OR7D4: variants seen among roughly 807,000 people sequenced by gnomAD.
The protein encoded by OR7D4 is olfactory receptor family 7 subfamily D member 4, also known as olfactory receptor 7D4.
For missense variants in OR7D4, 319 were observed against 377.1 expected, an observed-to-expected ratio of 0.85 and a Z score of 1.27; for synonymous variants, 154 against 158.4, an observed-to-expected ratio of 0.97 and a Z score of 0.21.
At chr19:9,214,967 C>A (rs1218088279) in intron 1 of OR7D4, 117 bp from the exon 2 acceptor site, 5 of 609,776 alleles carry the variant, frequency 8.2e-6, no homozygotes, top group Non-Finnish European at 1.5e-5. Flanking sequence ...GGAGTCCTTA[C>A]AAAGACAATG....
In OR7D4 at chr19:9,214,128, G is replaced by A. The variant is rs770207840; in HGVS notation, c.710C>T (p.Ala237Val). 6.2e-7 allele frequency: 1 copy of A among 1,614,090 alleles called. No individual in the cohort carries two copies. The highest frequency in any genetic ancestry group is 2.2e-5 in the East Asian group (1 of 44,878). ...GAGGTGAGATCCACAGGTGGAAAAG[G>A]CTTTGTACTTGCCCTTGGTGGAGGA... ...GMSSTKGKYKAFSTCGSHLCV... is the reference protein window; with the variant it reads ...GMSSTKGKYKVFSTCGSHLCV... Residue 237 changes from alanine (A) to valine (V), a missense_variant, in exon 2 of 2, where the codon GCC (alanine) becomes GTC (valine). Coordinates refer to ENST00000641669, the MANE Select transcript of OR7D4 (RefSeq NM_001005191.3).
intron 1 of OR7D4, among the ~76,000 whole-genome samples, chr19:9,215,302 C>T (rs1161807920): frequency 1.5e-5 from 2 of 135,038 alleles, no homozygotes; most frequent in African/African-American, 5.3e-5. Flanking sequence ...AAGATCATGG[C>T]ACTGCACTCC....
Position 9,213,907 on chromosome 19 carries a change from A to G in OR7D4, c.931T>C (p.Cys311Arg), listed in dbSNP as rs1326049168. 1 of 1,613,240 alleles carries G rather than the reference A, an allele frequency of 6.2e-7. No homozygotes were observed. The highest frequency in any genetic ancestry group is 8.5e-7 in the Non-Finnish European group (1 of 1,179,310). The change falls in exon 2 of 2, where the codon TGT (cysteine) becomes CGT (arginine). Residue 311 changes from cysteine to arginine, a missense_variant. Cys to Arg is a radical substitution (Grantham distance 180). Coordinates refer to ENST00000641669, the MANE Select transcript of OR7D4 (RefSeq NM_001005191.3). ...LERLLSRADSCP is the reference protein window; with the variant it reads ...LERLLSRADSRP ...TCTGAGGCCCTGATTTGTCATGGAC[A>G]AGAGTCGGCCCTGCTGAGGAGTCTT...
chr19:9,217,639 A>G (rs981236160), intron 1 of OR7D4, among the ~76,000 whole-genome samples: 3 of 152,078 alleles, frequency 2.0e-5, no homozygotes, highest in African/African-American at 7.2e-5. Flanking sequence ...CCCAGGTTCA[A>G]GCGATTCTCC....
In OR7D4 at chr19:9,213,752, T is replaced by TAAC; in HGVS notation, c.*144_*146dup. 1.6e-6 allele frequency: 1 copy of TAAC among 636,122 alleles called. No homozygotes were observed. The highest frequency in any genetic ancestry group is 2.7e-6 in the Non-Finnish European group (1 of 368,256). 39.4% of individuals were successfully genotyped at this position (636,122 alleles called of 1,614,324 possible). A position where few individuals can be genotyped will look rare whatever the true frequency, so the allele number is the denominator to read the frequency against. ...GACTCTGTCTCAAAAACAATAACAA[T>TAAC]AACAACAACAAACAACCCAATAACA... On this transcript the variant is annotated 3_prime_UTR_variant, in exon 2 of 2. Transcript: ENST00000641669.
Position 9,210,575 on chromosome 19 carries a change from CA to C in OR7D4, c.*3323del, listed in dbSNP as rs1416433751. On this transcript the variant is annotated 3_prime_UTR_variant, in exon 2 of 2. Transcript: ENST00000641669. ...GCTTGGGCAACAGAGCAAGACATCT[CA>C]AAACAAAACAAAACAAAAACTCCAT... The C allele has an allele frequency of 1.3e-5, 2 of 152,140 alleles. No homozygotes were observed. The highest frequency in any genetic ancestry group is 4.8e-5 in the African/African-American group (2 of 41,412). 9.4% of individuals were successfully genotyped at this position (152,140 alleles called of 1,614,324 possible).
intron 1 of OR7D4, among the ~76,000 whole-genome samples, chr19:9,217,881 ATCT>A (rs1371369328): frequency 2.6e-5 from 4 of 152,234 alleles, no homozygotes; most frequent in East Asian, 3.9e-4. Flanking sequence ...GAAAGGGTAA[ATCT>A]TCTAGGCTGA....
chr19:9,217,607 C>T (rs1332109034), intron 1 of OR7D4, among the ~76,000 whole-genome samples: 3 of 152,126 alleles, frequency 2.0e-5, no homozygotes, highest in African/African-American at 7.2e-5. Flanking sequence ...GGTGCTATCT[C>T]TGTTCACTGC....
Position 9,213,143 on chromosome 19 carries a change from A to G in OR7D4, c.*756T>C, listed in dbSNP as rs1465729513. 1 of 152,230 alleles carries G rather than the reference A, an allele frequency of 6.6e-6. No homozygotes were observed. The highest frequency in any genetic ancestry group is 6.5e-5 in the Admixed American group (1 of 15,282). The allele number at this position is 152,230 out of a possible 1,614,324, so 9.4% of individuals were successfully genotyped here. On this transcript the variant is annotated 3_prime_UTR_variant, in exon 2 of 2. Transcript: ENST00000641669. Reference sequence around the variant, plus strand: ...TGTAAACATTTTATACGACTAATCTATGGTTTTCATTTTATTTCCTATCCA... The same window carrying G: ...TGTAAACATTTTATACGACTAATCTGTGGTTTTCATTTTATTTCCTATCCA...
Position 9,214,223 on chromosome 19 carries a change from C to T in OR7D4, c.615G>A (p.Leu205=). Residue 205 remains leucine (L), a synonymous_variant, in exon 2 of 2, where the codon CTG becomes CTA. Coordinates refer to ENST00000641669, the MANE Select transcript of OR7D4 (RefSeq NM_001005191.3). ...NNIVLYVATA[L]LGVFPVAGIL... ...TCCCAGCTACAGGAAACACACCCAG[C>T]AGTGCCGTGGCCACATACAAGACAA... is the stretch of plus-strand genomic sequence containing the variant. 1 of 1,614,154 alleles carries T rather than the reference C, an allele frequency of 6.2e-7. No homozygotes were observed. Among genetic ancestry groups the T allele is most frequent in the Admixed American group, 1.7e-5 (1 of 60,026 alleles).
At position 9,213,889 on chromosome 19, in the gene OR7D4, C is replaced by A; in HGVS notation, c.*10G>T. The A allele has an allele frequency of 6.2e-7, 1 of 1,603,260 alleles. No individual in the cohort carries two copies. Among genetic ancestry groups the A allele is most frequent in the Non-Finnish European group, 8.5e-7 (1 of 1,170,782 alleles). Reference sequence around the variant, plus strand: ...GCAGTGTGTCCTCTTAGTTCTGAGGCCCTGATTTGTCATGGACAAGAGTCG... The same window carrying A: ...GCAGTGTGTCCTCTTAGTTCTGAGGACCTGATTTGTCATGGACAAGAGTCG... On this transcript the variant is annotated 3_prime_UTR_variant, in exon 2 of 2. Transcript: ENST00000641669.
chr19:9,213,932 T>C lies in OR7D4; in HGVS notation c.906A>G (p.Glu302=), dbSNP rs968196932. 3 of 1,614,090 alleles carry C rather than the reference T, an allele frequency of 1.9e-6. No homozygotes were observed. The highest frequency in any genetic ancestry group is 2.5e-6 in the Non-Finnish European group (3 of 1,179,990). ...LRNKDVKGAL[E]RLLSRADSCP ...AAGAGTCGGCCCTGCTGAGGAGTCTTTCCAGGGCCCCCTTCACATCCTTGT... is the reference window on the plus strand; with the variant it reads ...AAGAGTCGGCCCTGCTGAGGAGTCTCTCCAGGGCCCCCTTCACATCCTTGT... The change falls in exon 2 of 2, where the codon GAA becomes GAG. Residue 302 remains glutamate (E), a synonymous_variant. Transcript: ENST00000641669.
chr19:9,217,992 A>G (rs981267145), intron 1 of OR7D4, among the ~76,000 whole-genome samples: 1 of 152,190 alleles, frequency 6.6e-6, no homozygotes. Context: ...AAAGCGGGAT[A>G]TGTATTTGAT....
In OR7D4 at chr19:9,212,637, G is replaced by A. The variant is rs1011666480; in HGVS notation, c.*1262C>T. On this transcript the variant is annotated 3_prime_UTR_variant, in exon 2 of 2. Coordinates refer to ENST00000641669, the MANE Select transcript of OR7D4 (RefSeq NM_001005191.3). ...GCTTATAGGGCTTGTATTTCAAAGGGATAGCATGTCAGACTCATTCTGGCC... is the reference window on the plus strand; with the variant it reads ...GCTTATAGGGCTTGTATTTCAAAGGAATAGCATGTCAGACTCATTCTGGCC... 11 of 152,150 alleles carry A rather than the reference G, an allele frequency of 7.2e-5. No individual in the cohort carries two copies. Among genetic ancestry groups the A allele is most frequent in the South Asian group, 4.1e-4 (2 of 4,824 alleles). The allele number at this position is 152,150 out of a possible 1,614,324, so 9.4% of individuals were successfully genotyped here. A position where few individuals can be genotyped will look rare whatever the true frequency, so the allele number is the denominator to read the frequency against.
rs1054136688 is a variant in OR7D4, at chr19:9,211,774, C to G, written c.*2125G>C. 1.3e-5 allele frequency: 1 copy of G among 75,930 alleles called. No homozygotes were observed. Among genetic ancestry groups the G allele is most frequent in the African/African-American group, 3.8e-5 (1 of 26,178 alleles). 4.7% of individuals were successfully genotyped at this position (75,930 alleles called of 1,614,324 possible). ...TGGGCGACAGAGCAAGACTCCATCT[C>G]AAAAAAAAAAAAAAAAAAAAAAAGG... is the stretch of plus-strand genomic sequence containing the variant. On this transcript the variant is annotated 3_prime_UTR_variant, in exon 2 of 2. Transcript: ENST00000641669.
In OR7D4 at chr19:9,213,457, T is replaced by G. The variant is rs1341605969; in HGVS notation, c.*442A>C. 1.3e-5 allele frequency: 2 copies of G among 153,306 alleles called. No homozygotes were observed. The highest frequency in any genetic ancestry group is 1.4e-5 in the Non-Finnish European group (1 of 68,998). The allele number at this position is 153,306 out of a possible 1,614,324, so 9.5% of individuals were successfully genotyped here. ...AAAAAAAGAAAAGAAAGAAACACAT[T>G]GGCCAGGCACGGTGGCTCACGCTTG... On this transcript the variant is annotated 3_prime_UTR_variant, in exon 2 of 2. Coordinates refer to ENST00000641669, the MANE Select transcript of OR7D4 (RefSeq NM_001005191.3).
rs141744966 is a variant in OR7D4, at chr19:9,210,686, T to TCACACACACACACACACACACA, written c.*3191_*3212dup. 18 of 149,848 alleles carry TCACACACACACACACACACACA rather than the reference T, an allele frequency of 1.2e-4. No homozygotes were observed. Among genetic ancestry groups the TCACACACACACACACACACACA allele is most frequent in the African/African-American group, 2.7e-4 (11 of 40,778 alleles). The allele number at this position is 149,848 out of a possible 1,614,324, so 9.3% of individuals were successfully genotyped here. On this transcript the variant is annotated 3_prime_UTR_variant, in exon 2 of 2. Coordinates refer to ENST00000641669, the MANE Select transcript of OR7D4 (RefSeq NM_001005191.3). ...TCATTAAAGAATTTACTAGGTGATC[T>TCACACACACACACACACACACA]CACACACACACACACACACACAACA...
intron 1 of OR7D4, among the ~76,000 whole-genome samples, chr19:9,218,680 A>T (rs535288772): frequency 1.3e-3 from 201 of 152,144 alleles, no homozygotes; most frequent in Non-Finnish European, 2.1e-3. Flanking sequence ...CCTGGGCTGG[A>T]GTGCGGGGTG....
chr19:9,216,662 G>A (rs905591431), intron 1 of OR7D4, among the ~76,000 whole-genome samples: 1 of 152,008 alleles, frequency 6.6e-6, no homozygotes, highest in East Asian at 1.9e-4. Context: ...TGCAATGTTG[G>A]CTCACTGCAA....
Sources: allele counts gnomAD v4.1 joint callset (sites outside exome capture counted in the v4.1 genomes callset), GRCh38; gene constraint gnomAD v4.1.1; transcripts MANE v1.5; gene names NCBI Gene and HGNC (gene_info 2026-07-23, HGNC 2026-07-21).